SRGAP3: variants seen among roughly 807,000 people sequenced by gnomAD.
SRGAP3 encodes SLIT-ROBO Rho GTPase-activating protein 3.
Under a neutral mutation model 121.1 loss-of-function variants are expected in SRGAP3, and 39 were observed. The ratio of observed to expected loss-of-function variants is 0.32; its 90% confidence interval spans 0.25 to 0.42. SRGAP3 has a LOEUF of 0.42. Ranked by LOEUF, SRGAP3 falls within the 10% of genes least tolerant of loss-of-function variation. The pLI is 1.00. For missense variants in SRGAP3, 1,213 were observed against 1,470.6 expected, an observed-to-expected ratio of 0.82 and a Z score of 2.86; for synonymous variants, 601 against 570.0, an observed-to-expected ratio of 1.05 and a Z score of -0.77.
chr3:9,328,520 ACTT>A (rs2125285113), intron 2 of SRGAP3, among the ~76,000 whole-genome samples: 1 of 152,262 alleles, frequency 6.6e-6, no homozygotes, highest in South Asian at 2.1e-4. Context: ...TCCTTTTAAA[ACTT>A]CTTATTATCC....
At chr3:9,083,402 G>C (rs1392785036) in intron 3 of SRGAP3, among the ~76,000 whole-genome samples, 1 of 152,162 alleles carries the variant, frequency 6.6e-6, no homozygotes, top group Admixed American at 6.6e-5. Flanking sequence ...AATTTCTTCT[G>C]ATACTTTCCA....
intron 2 of SRGAP3, among the ~76,000 whole-genome samples, chr3:9,107,830 A>G (rs1181363437): frequency 6.6e-6 from 1 of 152,174 alleles, no homozygotes; most frequent in Non-Finnish European, 1.5e-5. Flanking sequence ...AGCAGGGATC[A>G]CTTCTATTGT....
chr3:9,069,926 G>A (rs905438033), intron 4 of SRGAP3, among the ~76,000 whole-genome samples: 12 of 152,040 alleles, frequency 7.9e-5, no homozygotes, highest in African/African-American at 1.4e-4. Flanking sequence ...CAGCCTGGGC[G>A]ACAGAGCGAG....
At chr3:9,140,140 C>T (rs11713708) in intron 1 of SRGAP3, among the ~76,000 whole-genome samples, 2 of 150,734 alleles carry the variant, frequency 1.3e-5, no homozygotes, top group Non-Finnish European at 1.5e-5. Flanking sequence ...CACACACACA[C>T]ACACACACAC....
Position 8,982,162 on chromosome 3 carries a change from GT to G in SRGAP3, c.*3356del. On this transcript the variant is annotated 3_prime_UTR_variant, in exon 22 of 22. Transcript: ENST00000383836. ...ACCAGGAATTAATTGTCTTTGGTCA[GT>G]TTTAAATGAACAACTTGCTGGTTCA... 1 of 225,770 alleles carries G rather than the reference GT, an allele frequency of 4.4e-6. No individual in the cohort carries two copies. The highest frequency in any genetic ancestry group is 8.8e-6 in the Non-Finnish European group (1 of 113,120). The allele number at this position is 225,770 out of a possible 1,614,324, so 14.0% of individuals were successfully genotyped here.
At chr3:9,060,427 C>CCTTTT in intron 5 of SRGAP3, 68 bp from the exon 6 acceptor site, 1 of 986,578 alleles carries the variant, frequency 1.0e-6, no homozygotes, top group South Asian at 1.7e-5. Context: ...ATTTTCTATT[C>CCTTTT]CTTTTTTTTT....
chr3:9,127,884 C>A (rs899153198), intron 1 of SRGAP3, among the ~76,000 whole-genome samples: 4 of 148,238 alleles, frequency 2.7e-5, no homozygotes, highest in African/African-American at 1.0e-4. Context: ...TACCATGATG[C>A]TTAGAGGGAA....
intron 21 of SRGAP3, among the ~76,000 whole-genome samples, chr3:8,989,223 A>G (rs940164559): frequency 3.3e-5 from 5 of 152,238 alleles, no homozygotes; most frequent in Non-Finnish European, 5.9e-5. Context: ...CTCTATCATA[A>G]CTGGTAGAAC....
intron 1 of SRGAP3, among the ~76,000 whole-genome samples, chr3:9,175,482 A>G (rs181962041): frequency 4.5e-4 from 68 of 152,318 alleles, no homozygotes; most frequent in Non-Finnish European, 2.2e-4. Context: ...ACAGAGCCCT[A>G]TTCCCCTGAG....
chr3:9,156,776 C>T (rs1318906270), intron 1 of SRGAP3, among the ~76,000 whole-genome samples: 4 of 152,100 alleles, frequency 2.6e-5, no homozygotes, highest in Non-Finnish European at 4.4e-5. Flanking sequence ...GATCTAGTAA[C>T]GTATTTCCCA....
At position 8,983,663 on chromosome 3, in the gene SRGAP3, G is replaced by A. The variant is rs1215127241; in HGVS notation, c.*1856C>T. The A allele has an allele frequency of 1.3e-5, 3 of 231,666 alleles. No homozygotes were observed. Among genetic ancestry groups the A allele is most frequent in the Non-Finnish European group, 2.6e-5 (3 of 117,146 alleles). 14.4% of individuals were successfully genotyped at this position (231,666 alleles called of 1,614,324 possible). A position where few individuals can be genotyped will look rare whatever the true frequency, so the allele number is the denominator to read the frequency against. ...TGGGAGGTTTCAAAAAGAAGGGCTG[G>A]AGGGCTCTGATCTAAGACTTACCTT... On this transcript the variant is annotated 3_prime_UTR_variant, in exon 22 of 22. Transcript: ENST00000383836.
intron 1 of SRGAP3, among the ~76,000 whole-genome samples, chr3:9,141,541 T>C (rs1949845434): frequency 6.7e-6 from 1 of 148,554 alleles, no homozygotes; most frequent in Admixed American, 6.8e-5. Flanking sequence ...ACAAGAAGGA[T>C]CTGACTTCAG....
chr3:9,172,772 C>G (rs1227808081), intron 1 of SRGAP3, among the ~76,000 whole-genome samples: 1 of 152,212 alleles, frequency 6.6e-6, no homozygotes, highest in East Asian at 1.9e-4. Context: ...AGACCCTCCA[C>G]TGACAGTAAC....
chr3:9,015,023 T>C (rs1214984078), intron 15 of SRGAP3, among the ~76,000 whole-genome samples: 3 of 152,172 alleles, frequency 2.0e-5, no homozygotes, highest in African/African-American at 7.2e-5. Flanking sequence ...AGAAACATAA[T>C]AGTTTCTCAC....
intron 3 of SRGAP3, among the ~76,000 whole-genome samples, chr3:9,300,613 A>T (rs1336057321): frequency 6.6e-6 from 1 of 152,118 alleles, no homozygotes; most frequent in African/African-American, 2.4e-5. Context: ...AGCTCTTAAG[A>T]TGTGTTCCAG....
intron 3 of SRGAP3, among the ~76,000 whole-genome samples, chr3:9,310,711 G>A (rs1043537135): frequency 1.3e-5 from 2 of 152,138 alleles, no homozygotes; most frequent in African/African-American, 4.8e-5. Flanking sequence ...GAAGAAAGAA[G>A]GATCAAACTA....
intron 14 of SRGAP3, among the ~76,000 whole-genome samples, chr3:9,021,365 G>A (rs1943912282): frequency 6.6e-6 from 1 of 152,178 alleles, no homozygotes; most frequent in Non-Finnish European, 1.5e-5. Flanking sequence ...CCCTCTGGGA[G>A]ACAAGAGCAA....
chr3:9,124,355 G>T (rs1949138219), intron 2 of SRGAP3, among the ~76,000 whole-genome samples: 1 of 152,162 alleles, frequency 6.6e-6, no homozygotes, highest in African/African-American at 2.4e-5. Flanking sequence ...AACTGGATCG[G>T]GACAGGATGT....
rs773163925 is a variant in SRGAP3, at chr3:8,990,639, G to A, written c.2759C>T (p.Ala920Val). The change falls in exon 21 of 22, where the codon GCT becomes GTT. Residue 920 changes from alanine to valine, a missense_variant. Physicochemically the swap from Ala to Val is moderately conservative, Grantham distance 64 (BLOSUM62 0). Coordinates refer to ENST00000383836, the MANE Select transcript of SRGAP3 (RefSeq NM_014850.4). The part of the protein sequence containing the change: ...EKRRMATFGS[A>V]GSINYPDKKA... ...CTTGTCAGGGTAGTTGATGCTGCCA[G>A]CGCTCCCGAACGTCGCCATCCTCCG... is the stretch of plus-strand genomic sequence containing the variant. The A allele has an allele frequency of 3.1e-6, 5 of 1,613,498 alleles. No homozygotes were observed. Among genetic ancestry groups the A allele is most frequent in the African/African-American group, 1.3e-5 (1 of 74,932 alleles).
Sources: gnomAD v4.1 joint callset for allele counts (sites outside exome capture counted in the v4.1 genomes callset) on GRCh38, gnomAD v4.1.1 for gene constraint, MANE v1.5 for transcripts, NCBI Gene and HGNC (gene_info 2026-07-23, HGNC 2026-07-21) for gene names.